Variants in ATP7B observed in about 807,000 individuals in gnomAD.
The protein encoded by ATP7B is copper-transporting ATPase 2.
A neutral mutation model predicts 118.9 loss-of-function variants in ATP7B; 113 were observed. The ratio of observed to expected loss-of-function variants is 0.95; its 90% CI spans 0.82 to 1.11. The LOEUF (loss-of-function observed/expected upper bound fraction) is 1.11. Ranked by LOEUF, ATP7B falls within the 50% of genes most tolerant of loss-of-function variation. The pLI, the probability that ATP7B is intolerant of heterozygous loss-of-function variation, is 0.00. For synonymous variants in ATP7B, 777 were observed against 727.4 expected (o/e 1.07, Z -1.10); for missense variants, 1,867 against 1,871.4 (o/e 1.00, Z 0.04).
chr13:51,998,641 T>C (rs751222734), intron 1 of ATP7B, among the ~76,000 whole-genome samples: 19 of 152,272 alleles, frequency 1.2e-4, no homozygotes, highest in South Asian at 6.2e-4. Context: ...CACGAGCCAT[T>C]TTCCAGAAGA....
Position 51,932,839 on chromosome 13 carries a change from TA to T in ATP7B, c.*1916del, listed in dbSNP as rs1207028165. ...TATATGAACACAACGTTTATGGTCC[TA>T]AAAGTTTTAAAAATCAACAGAATTA... On this transcript the variant is annotated 3_prime_UTR_variant, in exon 21 of 21. Transcript: ENST00000242839. The T allele has an allele frequency of 6.6e-6, 1 of 152,184 alleles. No individual in the cohort carries two copies. The highest frequency in any genetic ancestry group is 1.5e-5 in the Non-Finnish European group (1 of 68,026). 9.4% of individuals were successfully genotyped at this position (152,184 alleles called of 1,614,324 possible). A position where few individuals can be genotyped will look rare whatever the true frequency, so the allele number is the denominator to read the frequency against.
rs1951464000 is a variant in ATP7B, at chr13:51,964,875, A to G, written c.1866T>C (p.Ile622=). ...IIGPRDIIKI[I]EEIGFHASLA... is the part of the protein sequence containing the mutation. ...AATTTTTTAATGAATTACTTACCTCAATAATTTTGATAATATCCCGTGGAC... is the reference window on the plus strand; with the variant it reads ...AATTTTTTAATGAATTACTTACCTCGATAATTTTGATAATATCCCGTGGAC... The change falls in exon 5 of 21, where the codon ATT becomes ATC. Residue 622 remains isoleucine (I), a synonymous_variant. Coordinates refer to ENST00000242839, the MANE Select transcript of ATP7B (RefSeq NM_000053.4). 3 of 1,613,966 alleles carry G rather than the reference A, an allele frequency of 1.9e-6. No individual in the cohort carries two copies. The highest frequency in any genetic ancestry group is 2.7e-5 in the African/African-American group (2 of 74,912).
rs1231244944 is a variant in ATP7B, at chr13:51,934,458, C to A, written c.*298G>T. The stretch of plus-strand genomic sequence containing the variant: ...CATCCTAAATACTCCAAGCAGAGGT[C>A]TGTGAGGAGGGTGACTCGCCTCTCA... On this transcript the variant is annotated 3_prime_UTR_variant, in exon 21 of 21. Coordinates refer to ENST00000242839, the MANE Select transcript of ATP7B (RefSeq NM_000053.4). 1 of 470,132 alleles carries A rather than the reference C, an allele frequency of 2.1e-6. No individual in the cohort carries two copies. Among genetic ancestry groups the A allele is most frequent in the Non-Finnish European group, 3.9e-6 (1 of 253,462 alleles). The allele number at this position is 470,132 out of a possible 1,614,324, so 29.1% of individuals were successfully genotyped here.
intron 5 of ATP7B, 86 bp downstream of exon 5, chr13:51,964,786 C>G: frequency 6.8e-7 from 1 of 1,479,100 alleles, no homozygotes; most frequent in Non-Finnish European, 9.2e-7. Flanking sequence ...TTCATTTTTT[C>G]TTAGCTATAT....
At chr13:51,979,462 C>T (rs1952302377) in intron 1 of ATP7B, among the ~76,000 whole-genome samples, 1 of 152,160 alleles carries the variant, frequency 6.6e-6, no homozygotes, top group African/African-American at 2.4e-5. Context: ...ACAATACACA[C>T]ATTACCAAAA....
chr13:51,937,242 C>T lies in ATP7B; in HGVS notation c.4021+34G>A, dbSNP rs373250873. Reference sequence around the variant, plus strand: ...CCTGGGAGACAGAAGCCTTTCTGGGCGCAGCTGGAGCACAGTGGGTAAGAG... The same window carrying T: ...CCTGGGAGACAGAAGCCTTTCTGGGTGCAGCTGGAGCACAGTGGGTAAGAG... On this transcript the variant is annotated intron_variant, in intron 19 of 20. Coordinates refer to ENST00000242839, the MANE Select transcript of ATP7B (RefSeq NM_000053.4). 108 of 1,593,160 alleles carry T rather than the reference C, an allele frequency of 6.8e-5. No individual in the cohort carries two copies. The highest frequency in any genetic ancestry group is 6.5e-4 in the South Asian group (59 of 90,578).
intron 2 of ATP7B, 101 bp from the exon 3 acceptor site, chr13:51,970,850 C>A: frequency 8.2e-7 from 1 of 1,215,714 alleles, no homozygotes; most frequent in Admixed American, 2.0e-5. Flanking sequence ...ATTGTCCCGG[C>A]TCCCACCGAG....
At chr13:51,948,732 T>A (rs965275458) in intron 12 of ATP7B, among the ~76,000 whole-genome samples, 1 of 152,178 alleles carries the variant, frequency 6.6e-6, no homozygotes, top group African/African-American at 2.4e-5. Flanking sequence ...GCAGATATGT[T>A]TTTTTGAGGG....
In ATP7B at chr13:51,935,106, C is replaced by T. The variant is rs998553847; in HGVS notation, c.4125-77G>A. On this transcript the variant is annotated intron_variant, in intron 20 of 20. Transcript: ENST00000242839. ...TTTTTTTTCTAAGCCTGGTGAAGGC[C>T]TCTCATCCATCTTTTAATAACATTC... is the stretch of plus-strand genomic sequence containing the variant. 3.9e-6 allele frequency: 6 copies of T among 1,547,970 alleles called. No homozygotes were observed. The Admixed American group carries it at 5.4e-5, about 14-fold the overall frequency.
intron 7 of ATP7B, chr13:51,959,821 A>C: frequency 2.7e-6 from 1 of 376,750 alleles, no homozygotes; most frequent in Non-Finnish European, 5.0e-6. Context: ...AATTAACCTA[A>C]ACAATATGCA....
intron 1 of ATP7B, among the ~76,000 whole-genome samples, chr13:51,997,769 T>C (rs1449844211): frequency 6.6e-6 from 1 of 152,154 alleles, no homozygotes; most frequent in Non-Finnish European, 1.5e-5. Context: ...GCCTCCCAAC[T>C]CAGTGACTGC....
intron 9 of ATP7B, among the ~76,000 whole-genome samples, chr13:51,952,484 G>A (rs1034769246): frequency 3.9e-5 from 6 of 152,196 alleles, no homozygotes; most frequent in African/African-American, 1.4e-4. Context: ...GACATTTACT[G>A]AGTGCTAGGA....
At chr13:52,005,191 T>C (rs1354318561) in intron 1 of ATP7B, among the ~76,000 whole-genome samples, 1 of 152,196 alleles carries the variant, frequency 6.6e-6, no homozygotes, top group Non-Finnish European at 1.5e-5. Flanking sequence ...CCAGCAGCCT[T>C]TTTATTCTTT....
Position 51,960,193 on chromosome 13 carries a change from C to T in ATP7B, c.2076G>A (p.Leu692=), listed in dbSNP as rs2139604781. The change falls in exon 7 of 21, where the codon CTG becomes CTA. Residue 692 remains leucine, a synonymous_variant. Coordinates refer to ENST00000242839, the MANE Select transcript of ATP7B (RefSeq NM_000053.4). ...TAAAGAAGATGAGATTTAGAATGGA[C>T]AGTCCTGGAATGATGTTGTGGTCCA... is the stretch of plus-strand genomic sequence containing the variant. ...MVLDHNIIPG[L]SILNLIFFIL... 1 of 1,613,970 alleles carries T rather than the reference C, an allele frequency of 6.2e-7. No homozygotes were observed.
rs1219284084 is a variant in ATP7B at position 51,949,680 on chromosome 13, A to G, written c.2847T>C (p.Val949=). The G allele has an allele frequency of 3.1e-6, 5 of 1,614,042 alleles. No individual in the cohort carries two copies. Among genetic ancestry groups the G allele is most frequent in the Non-Finnish European group, 4.2e-6 (5 of 1,180,040 alleles). The change falls in exon 12 of 21, where the codon GTT becomes GTC. Residue 949 remains valine (V), a synonymous_variant. Transcript: ENST00000242839. The part of the protein sequence containing the change: ...WIVIGFIDFG[V]VQRYFPNPNK... The stretch of plus-strand genomic sequence containing the variant: ...AACTTACAGGAAAGTATCTCTGAAC[A>G]ACACCAAAATCGATAAAACCGATTA...
In ATP7B at chr13:51,960,151, G is replaced by T; in HGVS notation, c.2118C>A (p.Val706=). Reference sequence around the variant, plus strand: ...CTGCCCACTTTCTCATATATACCTGGACAAAGGTACACAAGATAAAGAAGA... The same window carrying T: ...CTGCCCACTTTCTCATATATACCTGTACAAAGGTACACAAGATAAAGAAGA... ...NLIFFILCTF[V]QLLGGWYFYV... The change falls in exon 7 of 21, where the codon GTC becomes GTA. Residue 706 remains valine (V), a synonymous_variant. Coordinates refer to ENST00000242839, the MANE Select transcript of ATP7B (RefSeq NM_000053.4). 1.2e-6 allele frequency: 2 copies of T among 1,613,704 alleles called. No homozygotes were observed. Among genetic ancestry groups the T allele is most frequent in the Non-Finnish European group, 1.7e-6 (2 of 1,179,612 alleles).
At chr13:51,956,988 T>A (rs1002249361) in intron 9 of ATP7B, among the ~76,000 whole-genome samples, 8 of 152,148 alleles carry the variant, frequency 5.3e-5, no homozygotes, top group African/African-American at 1.9e-4. Flanking sequence ...AGTCCCTGCC[T>A]CAGAAAGTTT....
intron 17 of ATP7B, among the ~76,000 whole-genome samples, chr13:51,938,283 T>C (rs1465941199): frequency 6.6e-6 from 1 of 152,160 alleles, no homozygotes; most frequent in Non-Finnish European, 1.5e-5. Flanking sequence ...CAGTCACTGG[T>C]CCACCTTCCT....
At position 52,011,327 on chromosome 13, in the gene ATP7B, T is replaced by C. The variant is rs781780227; in HGVS notation, c.11A>G (p.Gln4Arg). 3.7e-6 allele frequency: 6 copies of C among 1,614,240 alleles called. No individual in the cohort carries two copies. Among genetic ancestry groups the C allele is most frequent in the South Asian group, 2.2e-5 (2 of 91,092 alleles). Residue 4 changes from glutamine (Q) to arginine (R), a missense_variant, in exon 1 of 21, where the codon CAG (glutamine) becomes CGG (arginine). By Grantham distance (43) the Gln-to-Arg change is conservative. Coordinates refer to ENST00000242839, the MANE Select transcript of ATP7B (RefSeq NM_000053.4). Reference protein sequence around the residue: MPEQERQITAREGA... With the variant: MPERERQITAREGA... The stretch of plus-strand genomic sequence containing the variant: ...TTCTCTGGCTGTGATCTGTCTCTCC[T>C]GCTCAGGCATCGTCCCGCACGGACA...
Sources: gnomAD v4.1 joint callset for allele counts (sites outside exome capture counted in the v4.1 genomes callset) on GRCh38, gnomAD v4.1.1 for gene constraint, MANE v1.5 for transcripts, NCBI Gene and HGNC (gene_info 2026-07-23, HGNC 2026-07-21) for gene names.